Variants in UTY observed in about 807,000 individuals in gnomAD.
UTY encodes the protein ubiquitously transcribed tetratricopeptide repeat containing, Y-linked, also known as histone demethylase UTY.
UTY carries 12 observed loss-of-function variants against 32.5 expected under a neutral mutation model. The observed-to-expected ratio is 0.37, with a 90% CI of 0.24 to 0.60. The LOEUF (loss-of-function observed/expected upper bound fraction) is 0.60. Among genes scored for constraint, UTY ranks in the 20% least tolerant of loss-of-function variants. The probability of loss-of-function intolerance (pLI) is 0.69; values close to 1 mark genes in which losing one functional copy is unlikely to be tolerated. For synonymous variants in UTY, 131 were observed against 103.4 expected, an observed-to-expected ratio of 1.27 and a Z score of -1.62; for missense variants, 303 against 299.2, an observed-to-expected ratio of 1.01 and a Z score of -0.09.
At chrY:13,237,043 A>G in intron 28 of UTY, among the ~76,000 whole-genome samples, 1 of 34,221 alleles carries the variant, frequency 2.9e-5, no homozygotes, top group Non-Finnish European at 7.3e-5. Context: ...TAAAGTAAGA[A>G]AAATAAACAC....
chrY:13,351,195 T>C, intron 17 of UTY, among the ~76,000 whole-genome samples: 1 of 32,318 alleles, frequency 3.1e-5, no homozygotes, highest in African/African-American at 1.2e-4. Context: ...TTACAATTCA[T>C]GGTAATTTAA....
At chrY:13,393,950 C>A in intron 7 of UTY, 57 bp from the exon 8 acceptor site, 1 of 263,411 alleles carries the variant, frequency 3.8e-6, no homozygotes, top group Non-Finnish European at 5.4e-6. Context: ...AATAAAGTAA[C>A]AAAAAGTAGG....
chrY:13,398,935 T>C, intron 6 of UTY, among the ~76,000 whole-genome samples: 1 of 32,920 alleles, frequency 3.0e-5, no homozygotes, highest in Admixed American at 2.8e-4. Context: ...GGTGAAGAAA[T>C]TGGACCTCGA....
At chrY:13,421,844 T>C in intron 4 of UTY, among the ~76,000 whole-genome samples, 1 of 33,232 alleles carries the variant, frequency 3.0e-5, no homozygotes, top group Non-Finnish European at 7.5e-5. Flanking sequence ...GATAAAATGA[T>C]CTGAAGAACA....
chrY:13,379,036 G>A (rs551281620), intron 8 of UTY, among the ~76,000 whole-genome samples: 118 of 32,805 alleles, frequency 3.6e-3, no homozygotes, highest in African/African-American at 0.013. Context: ...GTGGCTGGGT[G>A]TGGTGGCTCA....
At chrY:13,391,740 CG>C (rs2067582769) in intron 8 of UTY, among the ~76,000 whole-genome samples, 1 of 33,624 alleles carries the variant, frequency 3.0e-5, no homozygotes, top group South Asian at 6.5e-4. Context: ...CCTAGTTTTG[CG>C]GATGTCTTTA....
intron 10 of UTY, among the ~76,000 whole-genome samples, chrY:13,363,491 C>T: frequency 3.0e-5 from 1 of 33,356 alleles, no homozygotes; most frequent in Non-Finnish European, 7.4e-5. Context: ...TAATCTTAAG[C>T]ATCTTTCATT....
intron 7 of UTY, chrY:13,396,380 A>T (rs542527739): frequency 1.8e-4 from 6 of 33,806 alleles, no homozygotes; most frequent in African/African-American, 6.9e-4. Context: ...TTAAAGTTTC[A>T]TATTCTTTTT....
intron 15 of UTY, among the ~76,000 whole-genome samples, chrY:13,356,305 GCCA>G (rs2062902905): frequency 9.5e-5 from 3 of 31,697 alleles, no homozygotes; most frequent in African/African-American, 3.7e-4. Flanking sequence ...ACAGGCATGT[GCCA>G]CCATGCCCGG....
At position 13,479,749 on chromosome Y, in the gene UTY, C is replaced by T; in HGVS notation, c.-84G>A. 2.9e-6 allele frequency: 1 copy of T among 348,963 alleles called. No homozygotes were observed. Among genetic ancestry groups the T allele is most frequent in the Admixed American group, 9.2e-5 (1 of 10,813 alleles). 87.0% of individuals were successfully genotyped at this position (348,963 alleles called of 400,897 possible). ...AGACGCCTTCAATCGCTGCTTGAGA[C>T]TGTGACGCCAATTTTATCGCCTCCT... On this transcript the variant is annotated 5_prime_UTR_variant, in exon 1 of 30. Coordinates refer to ENST00000545955, the MANE Select transcript of UTY (RefSeq NM_001258249.2).
intron 17 of UTY, among the ~76,000 whole-genome samples, chrY:13,343,874 T>C (rs1034004222): frequency 3.0e-5 from 1 of 33,245 alleles, no homozygotes; most frequent in Non-Finnish European, 7.4e-5. Flanking sequence ...CATGGAGCCA[T>C]ATGTAAGGAA....
chrY:13,239,229 A>G, intron 28 of UTY, among the ~76,000 whole-genome samples: 1 of 32,930 alleles, frequency 3.0e-5, no homozygotes, highest in Non-Finnish European at 7.5e-5. Flanking sequence ...CAAACAGAAG[A>G]AAAAAAAACC....
chrY:13,277,088 G>C (rs746828611), intron 27 of UTY, among the ~76,000 whole-genome samples: 1 of 33,655 alleles, frequency 3.0e-5, no homozygotes, highest in South Asian at 6.6e-4. Flanking sequence ...CTGAATATAA[G>C]TTCATGAACA....
At chrY:13,349,658 C>T (rs2062193005) in intron 17 of UTY, among the ~76,000 whole-genome samples, 1 of 32,675 alleles carries the variant, frequency 3.1e-5, no homozygotes, top group African/African-American at 1.2e-4. Context: ...CTTACAGAAA[C>T]CAACCACAGA....
chrY:13,427,953 C>A, intron 4 of UTY, among the ~76,000 whole-genome samples: 1 of 33,313 alleles, frequency 3.0e-5, no homozygotes, highest in African/African-American at 1.2e-4. Context: ...TGTGCATTTA[C>A]CTGATGATTA....
intron 21 of UTY, among the ~76,000 whole-genome samples, chrY:13,311,392 G>A (rs11799051): frequency 3.1e-5 from 1 of 32,023 alleles, no homozygotes; most frequent in Non-Finnish European, 7.7e-5. Flanking sequence ...TCAGGAGATC[G>A]AGACCATCCT....
At chrY:13,434,045 G>A (rs1049873165) in intron 4 of UTY, among the ~76,000 whole-genome samples, 12 of 33,668 alleles carry the variant, frequency 3.6e-4, no homozygotes, top group Admixed American at 2.6e-4. Context: ...AATCATTACA[G>A]AATTCCACAC....
At chrY:13,462,222 G>A (rs34864948) in intron 3 of UTY, among the ~76,000 whole-genome samples, 500 of 33,234 alleles carry the variant, frequency 0.015, no homozygotes, top group Admixed American at 0.11. Flanking sequence ...GAGTCACCAA[G>A]CTCAATGCAG....
chrY:13,298,885 C>A, intron 26 of UTY, 72 bp downstream of exon 26: 1 of 218,849 alleles, frequency 4.6e-6, no homozygotes, highest in South Asian at 5.1e-5. Context: ...GAGTTATTTT[C>A]TACTAGTAAA....
Sources: allele counts gnomAD v4.1 joint callset (sites outside exome capture counted in the v4.1 genomes callset), GRCh38; gene constraint gnomAD v4.1.1; transcripts MANE v1.5; gene names NCBI Gene and HGNC (gene_info 2026-07-23, HGNC 2026-07-21).